BBOF1: variants seen among roughly 807,000 people sequenced by gnomAD.
BBOF1 encodes the protein basal body-orientation factor 1.
In BBOF1, 62 loss-of-function variants were observed where a neutral mutation model predicts 68.0. The ratio of observed to expected loss-of-function variants is 0.91; its 90% CI spans 0.74 to 1.13. The LOEUF is 1.13. Among genes scored for constraint, BBOF1 ranks in the 50% most tolerant of loss-of-function variants. The pLI, the probability that BBOF1 is intolerant of heterozygous loss-of-function variation, is 0.00. For missense variants in BBOF1, 534 were observed against 600.1 expected, an observed-to-expected ratio of 0.89 and a Z score of 1.15; for synonymous variants, 208 against 198.8, an observed-to-expected ratio of 1.05 and a Z score of -0.39.
chr14:74,071,620 C>T lies in BBOF1; in HGVS notation n.1380-6576C>T, dbSNP rs925954331. ...AATGAAGGGGTGCAGGGTACACTGA[C>T]TTGCCCTTCCAAGTTAAGGGTTTGT... On this transcript the variant is annotated intron_variant and non_coding_transcript_variant, in intron 9 of 12. Transcript: ENST00000492026. 8 of 1,576,408 alleles carry T rather than the reference C, an allele frequency of 5.1e-6. No individual in the cohort carries two copies. In the African/African-American group the frequency reaches 8.1e-5, roughly 16 times the overall value.
At chr14:74,046,690 C>G (rs923387038) in intron 6 of BBOF1, 3 of 152,334 alleles carry the variant, frequency 2.0e-5, no homozygotes, top group African/African-American at 7.2e-5. Flanking sequence ...GACTTTGGTT[C>G]TCAACATGTA....
chr14:74,048,094 TG>T lies in BBOF1; in HGVS notation c.792+22del. 1 of 1,595,228 alleles carries T rather than the reference TG, an allele frequency of 6.3e-7. No homozygotes were observed. Among genetic ancestry groups the T allele is most frequent in the Non-Finnish European group, 8.5e-7 (1 of 1,174,002 alleles). ...CAAAAGGTTCCCTCTCATTTAGACTTGGTGTCCTTCTTTTCTTTATTTAAGG... is the reference window on the plus strand; with the variant it reads ...CAAAAGGTTCCCTCTCATTTAGACTTGTGTCCTTCTTTTCTTTATTTAAGG... On this transcript the variant is annotated intron_variant, in intron 7 of 11. Transcript: ENST00000394009.
In BBOF1 at chr14:74,063,664, G is replaced by A. The variant is rs1480108606; in HGVS notation, c.1579-1024G>A. ...GCGGATCACCTGAGGTCAGGAATTC[G>A]AGACCAGCCTGGCCAAAATGGTGAA... On this transcript the variant is annotated intron_variant, in intron 11 of 11. Transcript: ENST00000394009. Among the ~76,000 whole-genome samples the A allele has an allele frequency of 4.0e-5, 6 of 151,422 alleles. No individual in the cohort carries two copies. The East Asian group carries it at 5.9e-4, about 15-fold the overall frequency.
chr14:74,036,881 C>T (rs1801567836), intron 4 of BBOF1, among the ~76,000 whole-genome samples: 1 of 150,974 alleles, frequency 6.6e-6, no homozygotes, highest in South Asian at 2.1e-4. Context: ...AATCTTGTCT[C>T]TTTGTTTCAT....
chr14:74,035,790 C>A (rs919731409), intron 4 of BBOF1, among the ~76,000 whole-genome samples: 2 of 151,704 alleles, frequency 1.3e-5, no homozygotes, highest in Non-Finnish European at 2.9e-5. Flanking sequence ...GATGACTTCA[C>A]CCAGAGTGAG....
At chr14:74,072,031 T>C (rs2060556732) in intron 9 of BBOF1, 2 of 1,592,756 alleles carry the variant, frequency 1.3e-6, no homozygotes, top group Admixed American at 3.3e-5. Context: ...TTTTAAATTC[T>C]GAGGTAGCAA....
chr14:74,067,011 T>C, downstream of BBOF1: 1 of 915,598 alleles, frequency 1.1e-6, no homozygotes, highest in Non-Finnish European at 1.7e-6. Context: ...AGCCCAGGAG[T>C]TCCAGACCAG....
Position 74,057,149 on chromosome 14 carries a change from A to G in BBOF1, c.1469A>G (p.Glu490Gly), listed in dbSNP as rs1236563385. 1.9e-6 allele frequency: 3 copies of G among 1,611,366 alleles called. No individual in the cohort carries two copies. The Admixed American group carries it at 5.0e-5, about 27-fold the overall frequency. ...DSGETKEFGD[E>G]SKLQDKIFIT... ...TTATTTTGTCATTATTGCAGGGATG[A>G]AAGTAAGCTTCAAGATAAAATCTTC... Residue 490 changes from glutamate (E) to glycine (G), a missense_variant, in exon 11 of 12, where the codon GAA becomes GGA. Glu to Gly is a moderately conservative substitution (Grantham distance 98). Transcript: ENST00000394009.
chr14:74,020,251 T>G (rs951414839), intron 1 of BBOF1, among the ~76,000 whole-genome samples: 1 of 152,194 alleles, frequency 6.6e-6, no homozygotes, highest in African/African-American at 2.4e-5. Flanking sequence ...GTATTTTTTT[T>G]TTGTTTTTAC....
At chr14:74,079,456 CA>C (rs1317360396) in intron 10 of BBOF1, among the ~76,000 whole-genome samples, 9 of 145,560 alleles carry the variant, frequency 6.2e-5, no homozygotes, top group Admixed American at 2.8e-4. Flanking sequence ...TTTTTTGAGA[CA>C]GAGTCTCACT....
chr14:74,072,641 A>G (rs1216775289), intron 9 of BBOF1: 7 of 1,609,468 alleles, frequency 4.3e-6, no homozygotes, highest in Admixed American at 1.7e-5. Flanking sequence ...AAACAAACAA[A>G]CAAAAACATG....
intron 11 of BBOF1, 142 bp from the exon 12 acceptor site, chr14:74,064,546 G>A (rs2060427075): frequency 1.3e-6 from 1 of 752,624 alleles, no homozygotes. Context: ...GGGAGAGATG[G>A]GGAAGAGGGT....
At chr14:74,040,890 C>T (rs2059812976) in intron 5 of BBOF1, 1 of 480,956 alleles carries the variant, frequency 2.1e-6, no homozygotes, top group African/African-American at 2.0e-5. Flanking sequence ...ATGTCTCCCT[C>T]AGCTTGATAC....
intron 9 of BBOF1, chr14:74,071,754 G>A: frequency 1.4e-6 from 2 of 1,438,892 alleles, no homozygotes; most frequent in South Asian, 1.2e-5. Flanking sequence ...ACTGAATACT[G>A]CCATTTTTCA....
At chr14:74,082,386 A>C (rs1055973935) in intron 12 of BBOF1, among the ~76,000 whole-genome samples, 1 of 149,336 alleles carries the variant, frequency 6.7e-6, no homozygotes, top group Non-Finnish European at 1.5e-5. Context: ...TGGCTGCCAA[A>C]ATCGAGGTTT....
intron 8 of BBOF1, among the ~76,000 whole-genome samples, chr14:74,054,385 G>T (rs555773138): frequency 9.9e-5 from 14 of 141,688 alleles, no homozygotes; most frequent in East Asian, 6.2e-4. Context: ...TTTTTTTGTT[G>T]TTTTTTTTTT....
intron 4 of BBOF1, among the ~76,000 whole-genome samples, chr14:74,037,061 C>A (rs2059720653): frequency 1.4e-5 from 2 of 144,422 alleles, no homozygotes; most frequent in South Asian, 4.4e-4. Flanking sequence ...CAACCTCTGC[C>A]TCCCAGGTTC....
In BBOF1 at chr14:74,050,149, C is replaced by A. The variant is rs777100661; in HGVS notation, c.1240C>A (p.His414Asn). Residue 414 changes from histidine (H) to asparagine (N), a missense_variant, in exon 8 of 12, where the codon CAC (histidine) becomes AAC (asparagine). Transcript: ENST00000394009. Reference protein sequence around the residue: ...PKIRTFDGREHSTNSVNQDLL... With the variant: ...PKIRTFDGRENSTNSVNQDLL... ...AATCAGAACATTTGATGGCAGAGAGCACAGCACCAATAGTGTGAATCAGGA... is the reference window on the plus strand; with the variant it reads ...AATCAGAACATTTGATGGCAGAGAGAACAGCACCAATAGTGTGAATCAGGA... 1 of 1,597,842 alleles carries A rather than the reference C, an allele frequency of 6.3e-7. No homozygotes were observed. Among genetic ancestry groups the A allele is most frequent in the South Asian group, 1.1e-5 (1 of 87,814 alleles).
At chr14:74,019,699 T>C (rs575992589) in intron 1 of BBOF1, among the ~76,000 whole-genome samples, 165 bp downstream of exon 1, 212 of 152,348 alleles carry the variant, frequency 1.4e-3, no homozygotes, top group African/African-American at 4.9e-3. Flanking sequence ...GGCAGATCTC[T>C]ACTATGTGTT....
Sources: gnomAD v4.1 joint callset for allele counts (sites outside exome capture counted in the v4.1 genomes callset) on GRCh38, gnomAD v4.1.1 for gene constraint, MANE v1.5 for transcripts, NCBI Gene and HGNC (gene_info 2026-07-23, HGNC 2026-07-21) for gene names.